Variants in STK4 observed in about 807,000 individuals in gnomAD.
The protein encoded by STK4 is serine/threonine-protein kinase 4.
STK4 carries 30 observed loss-of-function variants against 64.9 expected under a neutral mutation model. The observed-to-expected ratio is 0.46, with a 90% confidence interval of 0.35 to 0.63. The LOEUF is 0.63. Ranked by LOEUF, STK4 falls within the 20% of genes least tolerant of loss-of-function variation. The probability of loss-of-function intolerance (pLI) is 0.01; values close to 1 mark genes in which losing one functional copy is unlikely to be tolerated. For synonymous variants in STK4, 177 were observed against 199.0 expected (o/e 0.89, Z 0.93); for missense variants, 466 against 598.5 (o/e 0.78, Z 2.31).
intron 10 of STK4, among the ~76,000 whole-genome samples, chr20:45,067,752 A>G (rs1282455447): frequency 6.6e-6 from 1 of 152,218 alleles, no homozygotes; most frequent in African/African-American, 2.4e-5. Context: ...ATGATTCAGA[A>G]TGTCAGAGTT....
intron 8 of STK4, 27 bp from the exon 9 acceptor site, chr20:45,001,140 C>T: frequency 3.8e-6 from 6 of 1,582,864 alleles, no homozygotes; most frequent in South Asian, 3.4e-5. Flanking sequence ...CAAATTAGCC[C>T]CAATTTGAGA....
chr20:45,029,530 C>T (rs2068409250), intron 10 of STK4, among the ~76,000 whole-genome samples: 1 of 152,202 alleles, frequency 6.6e-6, no homozygotes, highest in Admixed American at 6.5e-5. Flanking sequence ...CAAATGAAAA[C>T]TGTCTTCATA....
At chr20:45,006,640 C>G (rs893808171) in intron 9 of STK4, among the ~76,000 whole-genome samples, 1 of 152,088 alleles carries the variant, frequency 6.6e-6, no homozygotes, top group Non-Finnish European at 1.5e-5. Context: ...TACAGGCATC[C>G]CTAGGGCCCT....
At position 44,972,298 on chromosome 20, in the gene STK4, C is replaced by T. The variant is rs148038745; in HGVS notation, c.116+140C>T. ...TTACAGCTTGTGATGTCCTTCTTCG[C>T]TTTACTCCAATCCCTATTATAGACA... On this transcript the variant is annotated intron_variant, in intron 2 of 10. Coordinates refer to ENST00000372806, the MANE Select transcript of STK4 (RefSeq NM_006282.5). 2.5e-3 allele frequency: 1,768 copies of T among 707,064 alleles called. 24 individuals carry two copies. In the African/African-American group the frequency reaches 0.029, roughly 12 times the overall value. The allele number at this position is 707,064 out of a possible 1,614,324, so 43.8% of individuals were successfully genotyped here.
chr20:44,999,952 A>G (rs2067805402), intron 7 of STK4, among the ~76,000 whole-genome samples: 1 of 152,174 alleles, frequency 6.6e-6, no homozygotes, highest in Admixed American at 6.5e-5. Context: ...ACTAAGGTGT[A>G]TACACACCCT....
intron 10 of STK4, among the ~76,000 whole-genome samples, chr20:45,057,493 A>T (rs1439184013): frequency 6.6e-6 from 1 of 152,180 alleles, no homozygotes; most frequent in South Asian, 2.1e-4. Flanking sequence ...AGTAACAAAG[A>T]TATGTTTATA....
intron 10 of STK4, among the ~76,000 whole-genome samples, chr20:45,049,424 T>C (rs369341814): frequency 2.2e-4 from 34 of 152,188 alleles, no homozygotes; most frequent in African/African-American, 7.0e-4. Context: ...TTTTCACACA[T>C]TGGGAAGAAA....
chr20:45,060,634 C>T (rs1242231509), intron 10 of STK4, among the ~76,000 whole-genome samples: 1 of 152,176 alleles, frequency 6.6e-6, no homozygotes, highest in African/African-American at 2.4e-5. Context: ...CTCTCTAAGC[C>T]TCCAGTGTCT....
At chr20:45,050,066 G>A (rs1486366470) in intron 10 of STK4, among the ~76,000 whole-genome samples, 1 of 152,168 alleles carries the variant, frequency 6.6e-6, no homozygotes, top group Non-Finnish European at 1.5e-5. Context: ...CTACTCAAAT[G>A]TGATAGAACA....
chr20:45,021,635 A>G (rs2145372695), intron 9 of STK4, among the ~76,000 whole-genome samples: 1 of 152,336 alleles, frequency 6.6e-6, no homozygotes, highest in East Asian at 1.9e-4. Context: ...CGATATCTTT[A>G]TTACAGTTTG....
At chr20:45,036,884 AG>A (rs1478296659) in intron 10 of STK4, among the ~76,000 whole-genome samples, 4 of 152,144 alleles carry the variant, frequency 2.6e-5, no homozygotes, top group African/African-American at 9.7e-5. Flanking sequence ...CCTGTGGATA[AG>A]GGAGGGACTA....
chr20:45,012,329 C>T (rs759201523), intron 9 of STK4, among the ~76,000 whole-genome samples: 3 of 152,224 alleles, frequency 2.0e-5, no homozygotes, highest in East Asian at 1.9e-4. Context: ...CCACTGCACC[C>T]GGCCTCTCCC....
At chr20:44,968,831 A>T (rs1568673574) in intron 1 of STK4, among the ~76,000 whole-genome samples, 1 of 152,204 alleles carries the variant, frequency 6.6e-6, no homozygotes, top group Non-Finnish European at 1.5e-5. Flanking sequence ...TAGATTGCCT[A>T]ATTTGAAGCA....
At chr20:45,007,827 A>G (rs1184402171) in intron 9 of STK4, 1 of 417,450 alleles carries the variant, frequency 2.4e-6, no homozygotes. Flanking sequence ...GCATAAATAT[A>G]TTATACCCAG....
intron 9 of STK4, among the ~76,000 whole-genome samples, chr20:45,017,864 G>T (rs1434687550): frequency 6.6e-6 from 1 of 152,184 alleles, no homozygotes; most frequent in African/African-American, 2.4e-5. Flanking sequence ...CCATTGCCCA[G>T]AAATTAAGTC....
chr20:45,022,245 T>C (rs1015642491), intron 9 of STK4, among the ~76,000 whole-genome samples: 2 of 152,220 alleles, frequency 1.3e-5, no homozygotes, highest in Admixed American at 1.3e-4. Context: ...TATCTGAATA[T>C]GTGGTTAGAT....
intron 10 of STK4, among the ~76,000 whole-genome samples, chr20:45,027,591 C>T (rs1180215706): frequency 6.6e-6 from 1 of 152,088 alleles, no homozygotes; most frequent in Non-Finnish European, 1.5e-5. Flanking sequence ...ATTGGGATAT[C>T]TATTACCTCA....
chr20:44,986,824 G>A (rs914200705), intron 4 of STK4, among the ~76,000 whole-genome samples: 6 of 152,178 alleles, frequency 3.9e-5, no homozygotes, highest in Non-Finnish European at 8.8e-5. Flanking sequence ...GGGAGAAGTG[G>A]AGTAGGTTGG....
rs1366985093 is a variant in STK4, at chr20:45,076,209, T to G, written c.*1033T>G. ...TGCTAAGCAGCCTGGAAAGGATAAA[T>G]GAATATTAGACTAAGATTTGTTTTC... On this transcript the variant is annotated 3_prime_UTR_variant, in exon 11 of 11. Coordinates refer to ENST00000372806, the MANE Select transcript of STK4 (RefSeq NM_006282.5). The surrounding 1 kb of genome is among the most constrained non-coding windows in gnomAD (Gnocchi z 4.0). 2 of 152,178 alleles carry G rather than the reference T, an allele frequency of 1.3e-5. No individual in the cohort carries two copies. Among genetic ancestry groups the G allele is most frequent in the Admixed American group, 6.5e-5 (1 of 15,278 alleles). The allele number at this position is 152,178 out of a possible 1,614,324, so 9.4% of individuals were successfully genotyped here.
Sources: gnomAD v4.1 joint callset for allele counts (sites outside exome capture counted in the v4.1 genomes callset) on GRCh38, gnomAD v4.1.1 for gene constraint, Gnocchi (gnomAD v3.1) non-coding constraint, MANE v1.5 for transcripts, NCBI Gene and HGNC (gene_info 2026-07-23, HGNC 2026-07-21) for gene names.